Variants in IQSEC1 observed in about 807,000 individuals in gnomAD.
The protein encoded by IQSEC1 is IQ motif and Sec7 domain ArfGEF 1.
A neutral mutation model predicts 91.0 loss-of-function variants in IQSEC1; 31 were observed. The ratio of observed to expected loss-of-function variants is 0.34; its 90% CI spans 0.26 to 0.46. The LOEUF (loss-of-function observed/expected upper bound fraction) is 0.46. IQSEC1 is among the 20% of genes least tolerant of loss of function. The probability of loss-of-function intolerance (pLI) is 1.00; values close to 1 mark genes in which losing one functional copy is unlikely to be tolerated. For missense variants in IQSEC1, 1,388 were observed against 1,575.6 expected (o/e 0.88, Z 2.02); for synonymous variants, 699 against 662.6 (o/e 1.05, Z -0.84).
chr3:13,093,236 G>A (rs537111998), intron 2 of IQSEC1, among the ~76,000 whole-genome samples: 6 of 152,036 alleles, frequency 3.9e-5, no homozygotes, highest in East Asian at 3.9e-4. Context: ...AGGAGACATC[G>A]TCCCTCAGCC....
At chr3:13,262,089 G>A (rs572213758) in intron 1 of IQSEC1, among the ~76,000 whole-genome samples, 15 of 152,262 alleles carry the variant, frequency 9.9e-5, no homozygotes, top group African/African-American at 2.9e-4. Context: ...CCTGGAGCAG[G>A]CCAGCTCCCT....
chr3:12,916,986 G>A (rs1696159330), intron 6 of IQSEC1, among the ~76,000 whole-genome samples: 2 of 152,326 alleles, frequency 1.3e-5, no homozygotes, highest in South Asian at 2.1e-4. Flanking sequence ...AGCCAAAATC[G>A]AGGAACTTCA....
chr3:13,191,835 T>C (rs1267344629), intron 1 of IQSEC1, among the ~76,000 whole-genome samples: 2 of 152,242 alleles, frequency 1.3e-5, no homozygotes, highest in Non-Finnish European at 2.9e-5. Flanking sequence ...TCTTACTTTG[T>C]AGCCTGGCTC....
intron 1 of IQSEC1, among the ~76,000 whole-genome samples, chr3:12,965,828 C>A (rs550752515): frequency 7.2e-5 from 11 of 152,294 alleles, no homozygotes; most frequent in Non-Finnish European, 1.2e-4. Context: ...GCGGGAGGTG[C>A]AGCCAGGAGA....
At chr3:13,014,206 C>A (rs78159703) in intron 1 of IQSEC1, among the ~76,000 whole-genome samples, 18,290 of 152,242 alleles carry the variant, frequency 0.12, 1,243 homozygotes, top group African/African-American at 0.18. Context: ...CCCTAACCAG[C>A]CTGAGGGGCA....
intron 1 of IQSEC1, among the ~76,000 whole-genome samples, chr3:13,278,502 A>C (rs1007081348): frequency 6.6e-6 from 1 of 152,142 alleles, no homozygotes; most frequent in Non-Finnish European, 1.5e-5. Context: ...CGACAGCATG[A>C]AGGGCAGGTG....
Position 12,899,483 on chromosome 3 carries a change from AG to A in IQSEC1, c.*1499del. The stretch of plus-strand genomic sequence containing the variant: ...ACTCGGGCACAGACCTGCCGCGTGC[AG>A]GTCTGGCCCTGGGGAGCGCATGGTG... On this transcript the variant is annotated 3_prime_UTR_variant, in exon 14 of 14. Coordinates refer to ENST00000613206, the MANE Select transcript of IQSEC1 (RefSeq NM_001134382.3). 6.3e-7 allele frequency: 1 copy of A among 1,593,394 alleles called. No individual in the cohort carries two copies. The highest frequency in any genetic ancestry group is 2.3e-5 in the East Asian group (1 of 43,882).
intron 1 of IQSEC1, among the ~76,000 whole-genome samples, chr3:13,043,932 G>C (rs1391004114): frequency 6.6e-6 from 1 of 152,208 alleles, no homozygotes; most frequent in Non-Finnish European, 1.5e-5. Flanking sequence ...GCACAGAGAA[G>C]ACCCCATCCC....
rs116706925 is a variant in IQSEC1 at position 13,187,078 on chromosome 3, C to T, written c.273-22945G>A. On this transcript the variant is annotated intron_variant, in intron 1 of 15. Transcript: ENST00000648114. ...TCCTTTCTATCCCTCTTACTTTCTG[C>T]CCATCCATCCTTCTGCCCACTATGC... 4.0e-3 allele frequency among the ~76,000 whole-genome samples: 607 copies of T among 152,174 alleles called. 7 individuals carry two copies. Among genetic ancestry groups the T allele is most frequent in the African/African-American group, 0.014 (584 of 41,496 alleles).
chr3:12,935,377 C>G lies in IQSEC1; in HGVS notation c.1568+71G>C, dbSNP rs1417846074. Reference sequence around the variant, plus strand: ...CTCAAGCTCCGTGCTTGGAAGGATGCAGCCACGCCCACCCGCCAAGGCCCA... The same window carrying G: ...CTCAAGCTCCGTGCTTGGAAGGATGGAGCCACGCCCACCCGCCAAGGCCCA... On this transcript the variant is annotated intron_variant, in intron 3 of 13. Coordinates refer to ENST00000613206, the MANE Select transcript of IQSEC1 (RefSeq NM_001134382.3). The surrounding 1 kb of genome is among the most constrained non-coding windows in gnomAD (Gnocchi z 8.0). The G allele has an allele frequency of 6.2e-6, 9 of 1,450,150 alleles. No homozygotes were observed. Among genetic ancestry groups the G allele is most frequent in the African/African-American group, 1.4e-5 (1 of 71,746 alleles). The allele number at this position is 1,450,150 out of a possible 1,614,324, so 89.8% of individuals were successfully genotyped here.
At position 12,935,340 on chromosome 3, in the gene IQSEC1, G is replaced by T; in HGVS notation, c.1568+108C>A. 9.0e-7 allele frequency: 1 copy of T among 1,110,868 alleles called. No individual in the cohort carries two copies. Among genetic ancestry groups the T allele is most frequent in the Non-Finnish European group, 1.3e-6 (1 of 770,778 alleles). The allele number at this position is 1,110,868 out of a possible 1,614,324, so 68.8% of individuals were successfully genotyped here. ...GTGTGGCAGCTTCCTATGCTCATAG[G>T]CCACGGTGGACCTCAAGCTCCGTGC... is the stretch of plus-strand genomic sequence containing the variant. On this transcript the variant is annotated intron_variant, in intron 3 of 13. Transcript: ENST00000613206. This position sits in a 1 kb window ranked among gnomAD's most constrained non-coding sequence, Gnocchi z 8.0.
intron 2 of IQSEC1, among the ~76,000 whole-genome samples, chr3:13,112,077 C>A (rs1473035187): frequency 1.3e-5 from 2 of 152,202 alleles, no homozygotes; most frequent in African/African-American, 4.8e-5. Context: ...TGGTGGGCTG[C>A]CCTGCCTTCC....
Position 13,145,418 on chromosome 3 carries a change from C to T in IQSEC1, c.302+18686G>A, listed in dbSNP as rs537802035. ...CCACTCCAACCATCACATCTGCAGTCGGTACTCATGCCAGAAGCAAGGGAA... is the reference window on the plus strand; with the variant it reads ...CCACTCCAACCATCACATCTGCAGTTGGTACTCATGCCAGAAGCAAGGGAA... On this transcript the variant is annotated intron_variant, in intron 2 of 15. Transcript: ENST00000648114. 2.4e-3 allele frequency among the ~76,000 whole-genome samples: 373 copies of T among 152,270 alleles called. 3 individuals are homozygous for T. The highest frequency in any genetic ancestry group is 6.8e-3 in the Middle Eastern group (2 of 294).
At chr3:13,100,902 G>A (rs1706046369) in intron 2 of IQSEC1, among the ~76,000 whole-genome samples, 1 of 148,714 alleles carries the variant, frequency 6.7e-6, no homozygotes, top group Non-Finnish European at 1.5e-5. Context: ...CTGTGAAGAT[G>A]AAGAGGGGCG....
chr3:12,905,841 A>G (rs780436103), intron 12 of IQSEC1, among the ~76,000 whole-genome samples: 6 of 152,086 alleles, frequency 3.9e-5, no homozygotes, highest in Non-Finnish European at 8.8e-5. Flanking sequence ...GCTGGGGGCC[A>G]CTGGTCAGTG....
chr3:12,902,670 C>CAAAAAAAAAAAAAAACAAAA, intron 13 of IQSEC1, 103 bp downstream of exon 13: 1 of 191,022 alleles, frequency 5.2e-6, no homozygotes, highest in Non-Finnish European at 9.1e-6. Context: ...AAAAAAAAAC[C>CAAAAAAAAAAAAAAACAAAA]AAAAAAAAAA....
At chr3:13,092,446 C>T (rs1292920562) in intron 2 of IQSEC1, among the ~76,000 whole-genome samples, 1 of 152,088 alleles carries the variant, frequency 6.6e-6, no homozygotes, top group Non-Finnish European at 1.5e-5. Flanking sequence ...CCCAGGCCTG[C>T]CCAGGCCTCA....
intron 1 of IQSEC1, among the ~76,000 whole-genome samples, chr3:13,001,571 T>C (rs567820309): frequency 1.1e-4 from 16 of 152,164 alleles, no homozygotes; most frequent in Non-Finnish European, 2.2e-4. Flanking sequence ...CAGAGCTCAG[T>C]TGGTAGAGGG....
At chr3:12,903,594 C>T (rs892114923) in intron 12 of IQSEC1, among the ~76,000 whole-genome samples, 1 of 152,242 alleles carries the variant, frequency 6.6e-6, no homozygotes, top group Non-Finnish European at 1.5e-5. Context: ...CATGCGGGGT[C>T]CGTCAGAGCA....
Sources: gnomAD v4.1 joint callset for allele counts (sites outside exome capture counted in the v4.1 genomes callset) on GRCh38, gnomAD v4.1.1 for gene constraint, Gnocchi (gnomAD v3.1) non-coding constraint, MANE v1.5 for transcripts, NCBI Gene and HGNC (gene_info 2026-07-23, HGNC 2026-07-21) for gene names.